The following HPS3 variants were observed in gnomAD, a reference collection of about 807,000 sequenced individuals.
HPS3 encodes HPS3 biogenesis of lysosomal organelles complex 2 subunit 1.
In HPS3, 79 loss-of-function variants were observed where a neutral mutation model predicts 110.9. The ratio of observed to expected loss-of-function variants is 0.71; its 90% CI spans 0.59 to 0.86. HPS3 has a LOEUF of 0.86. HPS3 is among the 40% of genes least tolerant of loss of function. HPS3 has a pLI of 0.00. For synonymous variants in HPS3, 428 were observed against 451.0 expected (o/e 0.95, Z 0.65); for missense variants, 1,197 against 1,206.2 (o/e 0.99, Z 0.11).
intron 6 of HPS3, 25 bp downstream of exon 6, chr3:149,150,705 T>C: frequency 6.4e-7 from 1 of 1,563,840 alleles, no homozygotes; most frequent in Admixed American, 1.7e-5. Flanking sequence ...ATGAAGATAG[T>C]GAAACCTTAA....
chr3:149,160,992 G>C (rs1723766382), intron 11 of HPS3, among the ~76,000 whole-genome samples: 1 of 152,214 alleles, frequency 6.6e-6, no homozygotes, highest in South Asian at 2.1e-4. Flanking sequence ...TGTAGAGCCA[G>C]AATTGAATCG....
In HPS3 at chr3:149,173,603, C is replaced by T. The variant is rs1176958704; in HGVS notation, c.*1381C>T. On this transcript the variant is annotated 3_prime_UTR_variant, in exon 17 of 17. Coordinates refer to ENST00000296051, the MANE Select transcript of HPS3 (RefSeq NM_032383.5). Reference sequence around the variant, plus strand: ...TACAAAGTTGTATGCTTCCAGTCTTCTTTTAATGTTTATAGTCATTCCAAA... The same window carrying T: ...TACAAAGTTGTATGCTTCCAGTCTTTTTTTAATGTTTATAGTCATTCCAAA... 1.1e-5 allele frequency: 8 copies of T among 760,624 alleles called. No individual in the cohort carries two copies. In the East Asian group the frequency reaches 2.3e-4, roughly 22 times the overall value. 47.1% of individuals were successfully genotyped at this position (760,624 alleles called of 1,614,324 possible). A position where few individuals can be genotyped will look rare whatever the true frequency, so the allele number is the denominator to read the frequency against.
chr3:149,167,476 T>C (rs1189400933), intron 15 of HPS3, among the ~76,000 whole-genome samples: 1 of 152,240 alleles, frequency 6.6e-6, no homozygotes, highest in African/African-American at 2.4e-5. Context: ...GGAGATGAAG[T>C]AGTTGATTAC....
chr3:149,145,372 G>GA lies in HPS3; in HGVS notation c.995dup (p.Asn332LysfsTer31), dbSNP rs1722728402. On this transcript the variant is annotated frameshift_variant, in exon 5 of 17. Coordinates refer to ENST00000296051, the MANE Select transcript of HPS3 (RefSeq NM_032383.5). LOFTEE classifies it high-confidence loss of function. ...CATGCAGGTTCTCTTACATCTGATGGAAAAAATTTGTCTCAGGAAAAAGAA... is the reference window on the plus strand; with the variant it reads ...CATGCAGGTTCTCTTACATCTGATGGAAAAAAATTTGTCTCAGGAAAAAGAA... The GA allele has an allele frequency of 6.2e-7, 1 of 1,613,468 alleles. No homozygotes were observed. Among genetic ancestry groups the GA allele is most frequent in the Non-Finnish European group, 8.5e-7 (1 of 1,179,640 alleles).
At chr3:149,161,909 T>C (rs1042811087) in intron 11 of HPS3, among the ~76,000 whole-genome samples, 1 of 152,168 alleles carries the variant, frequency 6.6e-6, no homozygotes, top group African/African-American at 2.4e-5. Flanking sequence ...GACCTAAATA[T>C]AAAGCTCTCT....
chr3:149,138,241 G>A (rs556446705), intron 1 of HPS3, among the ~76,000 whole-genome samples: 4 of 152,184 alleles, frequency 2.6e-5, no homozygotes, highest in Non-Finnish European at 5.9e-5. Flanking sequence ...AGGGAGCCTG[G>A]TCAGCCCAGT....
chr3:149,140,269 G>C lies in HPS3; in HGVS notation c.483G>C (p.Leu161Phe). 6.2e-7 allele frequency: 1 copy of C among 1,614,136 alleles called. No homozygotes were observed. Among genetic ancestry groups the C allele is most frequent in the Admixed American group, 1.7e-5 (1 of 60,028 alleles). ...CAAATAAATTAGTCTTATTTAGTTT[G>C]AAGTACCAGATCATTAATGAGGAAT... ...GCTNKLVLFS[L>F]KYQIINEEFS... The change falls in exon 2 of 17, where the codon TTG becomes TTC. Residue 161 changes from leucine (L) to phenylalanine (F), a missense_variant. Physicochemically the swap from Leu to Phe is conservative, Grantham distance 22 (BLOSUM62 0). Coordinates refer to ENST00000296051, the MANE Select transcript of HPS3 (RefSeq NM_032383.5).
chr3:149,166,917 ATT>A, intron 14 of HPS3, 115 bp from the exon 15 acceptor site: 1 of 793,786 alleles, frequency 1.3e-6, no homozygotes. Flanking sequence ...CTAATATGGC[ATT>A]CTTTCTATTT....
intron 16 of HPS3, among the ~76,000 whole-genome samples, chr3:149,169,022 T>G (rs1724709792): frequency 6.6e-6 from 1 of 150,826 alleles, no homozygotes; most frequent in African/African-American, 2.5e-5. Flanking sequence ...GTCTTCAAAA[T>G]ATATTTGTGT....
At chr3:149,161,097 C>T (rs868564481) in intron 11 of HPS3, among the ~76,000 whole-genome samples, 2 of 152,140 alleles carry the variant, frequency 1.3e-5, no homozygotes, top group African/African-American at 2.4e-5. Context: ...AAAGGAAGAA[C>T]GTAAGTGCTT....
At chr3:149,146,396 G>A (rs1433342605) in intron 5 of HPS3, among the ~76,000 whole-genome samples, 2 of 152,178 alleles carry the variant, frequency 1.3e-5, no homozygotes, top group Admixed American at 1.3e-4. Flanking sequence ...TAAGTTGTAT[G>A]GGGAAGTTGT....
intron 11 of HPS3, among the ~76,000 whole-genome samples, chr3:149,161,926 A>T (rs1396662160): frequency 6.6e-6 from 1 of 152,224 alleles, no homozygotes; most frequent in Non-Finnish European, 1.5e-5. Context: ...CTCTACAAAA[A>T]ATAGGACACC....
At chr3:149,157,264 T>C in intron 8 of HPS3, 86 bp from the exon 9 acceptor site, 2 of 1,174,860 alleles carry the variant, frequency 1.7e-6, no homozygotes, top group South Asian at 1.3e-5. Context: ...TTAACTTTAC[T>C]AACAAAATAT....
At chr3:149,137,535 C>G (rs906461227) in intron 1 of HPS3, among the ~76,000 whole-genome samples, 3 of 152,072 alleles carry the variant, frequency 2.0e-5, no homozygotes, top group African/African-American at 7.2e-5. Context: ...ATGTTTGTAG[C>G]AAAATTATTC....
chr3:149,153,502 A>G lies in HPS3; in HGVS notation c.1254A>G (p.Pro418=), dbSNP rs1723259009. ...PYMDTTLKAC[P]PVSMDVCALR... ...TGATTTTCCTTTACTAGGCTTGCCC[A>G]CCTGTCAGTATGGATGTCTGTGCTT... The change falls in exon 7 of 17, where the codon CCA becomes CCG. Residue 418 remains proline (P), a synonymous_variant. Coordinates refer to ENST00000296051, the MANE Select transcript of HPS3 (RefSeq NM_032383.5). 6.2e-7 allele frequency: 1 copy of G among 1,613,780 alleles called. No individual in the cohort carries two copies. Among genetic ancestry groups the G allele is most frequent in the Admixed American group, 1.7e-5 (1 of 60,002 alleles).
At chr3:149,146,994 T>C (rs115356127) in intron 5 of HPS3, among the ~76,000 whole-genome samples, 242 of 152,240 alleles carry the variant, frequency 1.6e-3, no homozygotes, top group African/African-American at 5.1e-3. Context: ...GCTATTGGAA[T>C]AGTTCAGGCA....
At chr3:149,147,932 G>A (rs575587184) in intron 5 of HPS3, among the ~76,000 whole-genome samples, 3 of 152,130 alleles carry the variant, frequency 2.0e-5, no homozygotes, top group South Asian at 2.1e-4. Context: ...GTGCAATGGC[G>A]CGGTCTCAGC....
rs139918830 is a variant in HPS3 at position 149,162,595 on chromosome 3, C to T, written c.2293-95C>T. Reference sequence around the variant, plus strand: ...AATGCTAATGGTAAATTATTGATTGCGTGGCCCATGTGATGCTGTGATATT... The same window carrying T: ...AATGCTAATGGTAAATTATTGATTGTGTGGCCCATGTGATGCTGTGATATT... On this transcript the variant is annotated intron_variant, in intron 12 of 16. Coordinates refer to ENST00000296051, the MANE Select transcript of HPS3 (RefSeq NM_032383.5). 2.1e-4 allele frequency: 266 copies of T among 1,296,408 alleles called. 4 individuals carry two copies. In the South Asian group the frequency reaches 2.1e-3, roughly 10 times the overall value. The allele number at this position is 1,296,408 out of a possible 1,614,324, so 80.3% of individuals were successfully genotyped here.
rs767360825 is a variant in HPS3, at chr3:149,140,415, A to G, written c.629A>G (p.Lys210Arg). Residue 210 changes from lysine to arginine, a missense_variant, in exon 2 of 17, where the codon AAA becomes AGA. Physicochemically the swap from Lys to Arg is conservative, Grantham distance 26. Transcript: ENST00000296051. ...TCAGACTTAGAAGTCTTAATCGTAAAACTGGAGTCAGGCCCTAAAAATGGA... is the reference window on the plus strand; with the variant it reads ...TCAGACTTAGAAGTCTTAATCGTAAGACTGGAGTCAGGCCCTAAAAATGGA... Reference protein sequence around the residue: ...VMSDLEVLIVKLESGPKNGER... With the variant: ...VMSDLEVLIVRLESGPKNGER... 2 of 1,611,638 alleles carry G rather than the reference A, an allele frequency of 1.2e-6. No homozygotes were observed. The highest frequency in any genetic ancestry group is 1.3e-5 in the African/African-American group (1 of 74,838).
Sources: gnomAD v4.1 joint callset for allele counts (sites outside exome capture counted in the v4.1 genomes callset) on GRCh38, gnomAD v4.1.1 for gene constraint, MANE v1.5 for transcripts, NCBI Gene and HGNC (gene_info 2026-07-23, HGNC 2026-07-21) for gene names.